Variants in ANKRD11 observed in about 807,000 individuals in gnomAD.
ANKRD11 encodes ankyrin repeat domain-containing protein 11.
ANKRD11 carries 17 observed loss-of-function variants against 195.7 expected under a neutral mutation model. The observed-to-expected ratio is 0.09, with a 90% CI of 0.06 to 0.13. The LOEUF is 0.13. Ranked by LOEUF, ANKRD11 falls within the 10% of genes least tolerant of loss-of-function variation. The pLI is 1.00. For missense variants in ANKRD11, 3,735 were observed against 3,566.1 expected (o/e 1.05, Z -1.21); for synonymous variants, 1,953 against 1,528.1 (o/e 1.28, Z -6.49).
rs2034647037 is a variant in ANKRD11 at position 89,286,385 on chromosome 16, C to T, written c.745-199G>A. The T allele has an allele frequency of 3.8e-6, 3 of 785,380 alleles. No homozygotes were observed. In the Admixed American group the frequency reaches 6.9e-5, roughly 18 times the overall value. The allele number at this position is 785,380 out of a possible 1,614,324, so 48.7% of individuals were successfully genotyped here. A position where few individuals can be genotyped will look rare whatever the true frequency, so the allele number is the denominator to read the frequency against. On this transcript the variant is annotated intron_variant, in intron 7 of 12. Transcript: ENST00000301030. Reference sequence around the variant, plus strand: ...TGTGGTGGGCGAGGCTGTGGCTCCTCTGTGGGAAGGGCTGCAGCCGCGGGG... The same window carrying T: ...TGTGGTGGGCGAGGCTGTGGCTCCTTTGTGGGAAGGGCTGCAGCCGCGGGG...
intron 3 of ANKRD11, among the ~76,000 whole-genome samples, chr16:89,305,868 C>T (rs1445203874): frequency 1.3e-5 from 1 of 78,478 alleles, no homozygotes; most frequent in Non-Finnish European, 2.6e-5. Context: ...TCCGCAGACA[C>T]GCACCACCCA....
At chr16:89,301,097 AT>A in intron 4 of ANKRD11, 3 of 533,004 alleles carry the variant, frequency 5.6e-6, no homozygotes, top group South Asian at 5.3e-5. Flanking sequence ...TGGTTGACTG[AT>A]TATTTATTTA....
At chr16:89,299,283 G>A in intron 4 of ANKRD11, 1 of 202,876 alleles carries the variant, frequency 4.9e-6, no homozygotes, top group South Asian at 5.9e-5. Flanking sequence ...GCCTGGCCTT[G>A]GGCTGGCCCT....
At chr16:89,277,144 C>T (rs572422793) in intron 9 of ANKRD11, among the ~76,000 whole-genome samples, 3 of 152,294 alleles carry the variant, frequency 2.0e-5, no homozygotes, top group South Asian at 2.1e-4. Context: ...CACCCTGCCT[C>T]GACGAGCCCA....
chr16:89,324,130 G>A (rs376167325), intron 2 of ANKRD11: 11 of 826,882 alleles, frequency 1.3e-5, no homozygotes, highest in Admixed American at 4.2e-5. Flanking sequence ...ACGGCACAAC[G>A]CTCTCTACTG....
intron 1 of ANKRD11, among the ~76,000 whole-genome samples, chr16:89,457,586 G>T: frequency 7.9e-6 from 1 of 125,896 alleles, no homozygotes; most frequent in East Asian, 2.3e-4. Context: ...TCCGTCTCAA[G>T]AAAAAAAAAA....
At chr16:89,273,760 C>T (rs1034576155) in intron 11 of ANKRD11, among the ~76,000 whole-genome samples, 1 of 152,138 alleles carries the variant, frequency 6.6e-6, no homozygotes, top group Non-Finnish European at 1.5e-5. Context: ...AATACATCCC[C>T]AAAGAAAGGA....
At chr16:89,374,571 T>C (rs900494331) in intron 2 of ANKRD11, among the ~76,000 whole-genome samples, 3 of 152,236 alleles carry the variant, frequency 2.0e-5, no homozygotes, top group Non-Finnish European at 4.4e-5. Flanking sequence ...CTCTGTCCTA[T>C]GCTTCCAGGA....
chr16:89,276,504 C>T (rs535286613), intron 9 of ANKRD11, among the ~76,000 whole-genome samples: 1 of 152,214 alleles, frequency 6.6e-6, no homozygotes, highest in Non-Finnish European at 1.5e-5. Context: ...GGCCCCGCCT[C>T]ACGCCTATAG....
chr16:89,308,097 G>A (rs981432548), intron 3 of ANKRD11, among the ~76,000 whole-genome samples: 2 of 151,974 alleles, frequency 1.3e-5, no homozygotes, highest in African/African-American at 4.8e-5. Context: ...ATGTGAAGAG[G>A]CCACCATCAC....
At position 89,303,812 on chromosome 16, in the gene ANKRD11, G is replaced by A. The variant is rs184879354; in HGVS notation, c.226+1394C>T. Reference sequence around the variant, plus strand: ...CTGTGCTGACAAAAGCTGGGGTGTGGATCCTCTTTACTGGCTGTGCCTGCT... The same window carrying A: ...CTGTGCTGACAAAAGCTGGGGTGTGAATCCTCTTTACTGGCTGTGCCTGCT... On this transcript the variant is annotated intron_variant, in intron 4 of 12. Transcript: ENST00000301030. 5.3e-3 allele frequency among the ~76,000 whole-genome samples: 808 copies of A among 152,304 alleles called. 4 individuals carry two copies. Among genetic ancestry groups the A allele is most frequent in the Non-Finnish European group, 9.9e-3 (671 of 68,028 alleles).
At chr16:89,446,811 CG>C (rs1343986208) in intron 1 of ANKRD11, among the ~76,000 whole-genome samples, 1 of 152,070 alleles carries the variant, frequency 6.6e-6, no homozygotes, top group Non-Finnish European at 1.5e-5. Flanking sequence ...ACTCAAACCT[CG>C]AGCATCCGCT....
chr16:89,353,329 G>T (rs2039309022), intron 2 of ANKRD11, among the ~76,000 whole-genome samples: 1 of 151,568 alleles, frequency 6.6e-6, no homozygotes, highest in Admixed American at 6.6e-5. Flanking sequence ...GTGACAGAGT[G>T]AGACTCCAAC....
intron 1 of ANKRD11, among the ~76,000 whole-genome samples, chr16:89,461,321 G>A (rs1225934526): frequency 1.3e-5 from 2 of 151,954 alleles, no homozygotes; most frequent in African/African-American, 2.4e-5. Context: ...AGCCGGTGTC[G>A]TCTGGGAAGA....
At chr16:89,478,238 C>T (rs903608103) in intron 1 of ANKRD11, among the ~76,000 whole-genome samples, 1 of 152,144 alleles carries the variant, frequency 6.6e-6, no homozygotes, top group Non-Finnish European at 1.5e-5. Flanking sequence ...CTCCCAGTGC[C>T]TTCAAGAACC....
intron 2 of ANKRD11, among the ~76,000 whole-genome samples, chr16:89,417,144 T>C (rs2042343020): frequency 6.6e-6 from 1 of 152,136 alleles, no homozygotes; most frequent in Non-Finnish European, 1.5e-5. Flanking sequence ...AAGAATTCAG[T>C]CATATGAAAG....
At chr16:89,311,081 CAG>C (rs1433670770) in intron 3 of ANKRD11, among the ~76,000 whole-genome samples, 1 of 152,180 alleles carries the variant, frequency 6.6e-6, no homozygotes, top group East Asian at 1.9e-4. Flanking sequence ...TCCTAGTTTG[CAG>C]AATTTTTTTT....
At chr16:89,441,783 A>AC (rs985184563) in intron 1 of ANKRD11, among the ~76,000 whole-genome samples, 6 of 138,972 alleles carry the variant, frequency 4.3e-5, no homozygotes, top group Admixed American at 1.4e-4. Flanking sequence ...AAAAAAAAAA[A>AC]AAAAAAAAAA....
At chr16:89,393,490 CTT>C (rs5818715) in intron 2 of ANKRD11, among the ~76,000 whole-genome samples, 2,638 of 117,070 alleles carry the variant, frequency 0.023, 35 homozygotes, top group Middle Eastern at 0.05. Context: ...TATCCAGCTG[CTT>C]TTTTTTTTTT....
Sources: gnomAD v4.1 joint callset for allele counts (sites outside exome capture counted in the v4.1 genomes callset) on GRCh38, gnomAD v4.1.1 for gene constraint, MANE v1.5 for transcripts, NCBI Gene and HGNC (gene_info 2026-07-23, HGNC 2026-07-21) for gene names.